Variants in KNL1 observed in about 807,000 individuals in gnomAD.
The protein encoded by KNL1 is kinetochore scaffold 1.
In KNL1, 66 loss-of-function variants were observed where a neutral mutation model predicts 201.3. The ratio of observed to expected loss-of-function variants is 0.33; its 90% CI spans 0.27 to 0.40. The LOEUF (loss-of-function observed/expected upper bound fraction) is 0.40, where lower values mean the gene tolerates loss of function less well. KNL1 is among the 10% of genes least tolerant of loss of function. The pLI is 1.00. For synonymous variants in KNL1, 895 were observed against 899.2 expected, an observed-to-expected ratio of 1.00 and a Z score of 0.08; for missense variants, 2,815 against 2,690.5, an observed-to-expected ratio of 1.05 and a Z score of -1.02.
intron 17 of KNL1, among the ~76,000 whole-genome samples, 163 bp downstream of exon 17, chr15:40,647,237 G>A (rs531607666): frequency 7.4e-4 from 112 of 152,240 alleles, no homozygotes; most frequent in South Asian, 3.1e-3. Context: ...CACTTTGGGA[G>A]GCCAAGCCGG....
At position 40,623,837 on chromosome 15, in the gene KNL1, A is replaced by G. The variant is rs200222327; in HGVS notation, c.3573A>G (p.Ile1191Met). The G allele has an allele frequency of 1.4e-4, 225 of 1,613,466 alleles. No individual in the cohort carries two copies. Among genetic ancestry groups the G allele is most frequent in the Middle Eastern group, 8.3e-4 (5 of 6,058 alleles). The change falls in exon 10 of 26, where the codon ATA becomes ATG. Residue 1191 changes from isoleucine to methionine, a missense_variant. By Grantham distance (10) the Ile-to-Met change is conservative (BLOSUM62 1). Coordinates refer to ENST00000399668, the MANE Select transcript of KNL1 (RefSeq NM_144508.5). Reference protein sequence around the residue: ...KILEENPKFGIGKGKNLGVSF... With the variant: ...KILEENPKFGMGKGKNLGVSF... ...TTGAAGAAAACCCTAAATTTGGAATAGGAAAAGGAAAAAACTTGGGTGTTT... is the reference window on the plus strand; with the variant it reads ...TTGAAGAAAACCCTAAATTTGGAATGGGAAAAGGAAAAAACTTGGGTGTTT...
chr15:40,640,075 T>C (rs1893177900), intron 13 of KNL1, among the ~76,000 whole-genome samples: 1 of 151,228 alleles, frequency 6.6e-6, no homozygotes. Context: ...TCTTTTCTTT[T>C]CTTTTTTTTC....
intron 14 of KNL1, among the ~76,000 whole-genome samples, chr15:40,642,680 T>G (rs1595939865): frequency 6.6e-6 from 1 of 152,152 alleles, no homozygotes; most frequent in South Asian, 2.1e-4. Flanking sequence ...CAGGCTGGAG[T>G]GCAGTAGCGC....
chr15:40,643,106 A>G (rs1893280101), intron 14 of KNL1: 1 of 152,218 alleles, frequency 6.6e-6, no homozygotes, highest in Non-Finnish European at 1.5e-5. Flanking sequence ...TATTGAGACT[A>G]TCATAACTTT....
intron 9 of KNL1, among the ~76,000 whole-genome samples, chr15:40,619,320 G>A (rs1042660015): frequency 4.0e-5 from 6 of 151,082 alleles, no homozygotes; most frequent in African/African-American, 1.5e-4. Flanking sequence ...GTTAATCTGT[G>A]TCCTCACTGA....
Position 40,620,738 on chromosome 15 carries a change from T to A in KNL1, c.474T>A (p.Thr158=). The change falls in exon 10 of 26, where the codon ACT becomes ACA. Residue 158 remains threonine (T), a synonymous_variant. Transcript: ENST00000399668. The stretch of plus-strand genomic sequence containing the variant: ...AGATGGACCTGACATCAAGTCACAC[T>A]GTAATGATTACCAAAGGCCTTTTAG... ...ENQMDLTSSH[T]VMITKGLLDN... 2 of 1,612,732 alleles carry A rather than the reference T, an allele frequency of 1.2e-6. No homozygotes were observed. The highest frequency in any genetic ancestry group is 1.7e-6 in the Non-Finnish European group (2 of 1,179,348).
intron 13 of KNL1, among the ~76,000 whole-genome samples, chr15:40,631,948 G>T (rs1892921939): frequency 6.6e-6 from 1 of 150,922 alleles, no homozygotes; most frequent in African/African-American, 2.4e-5. Flanking sequence ...GTTCAAGGCT[G>T]CAGTGAGCTA....
rs767793124 is a variant in KNL1, at chr15:40,624,923, T to G, written c.4659T>G (p.Cys1553Trp). 2 of 1,613,458 alleles carry G rather than the reference T, an allele frequency of 1.2e-6. No individual in the cohort carries two copies. The highest frequency in any genetic ancestry group is 1.7e-6 in the Non-Finnish European group (2 of 1,179,892). ...PDPVITSNVP[C>W]FHSIKPNLNN... ...CTGTAATTACATCTAATGTTCCATGTTTTCATAGTATCAAACCAAATCTGA... is the reference window on the plus strand; with the variant it reads ...CTGTAATTACATCTAATGTTCCATGGTTTCATAGTATCAAACCAAATCTGA... Residue 1553 changes from cysteine (C) to tryptophan (W), a missense_variant, in exon 10 of 26, where the codon TGT (cysteine) becomes TGG (tryptophan). Cys to Trp is a radical substitution (Grantham distance 215, BLOSUM62 -2). Transcript: ENST00000399668.
chr15:40,636,213 C>T (rs959920736), intron 13 of KNL1, among the ~76,000 whole-genome samples: 5 of 152,194 alleles, frequency 3.3e-5, no homozygotes, highest in African/African-American at 1.2e-4. Context: ...TTGGACACTA[C>T]TTAATCATAG....
rs922193968 is a variant in KNL1 at position 40,624,219 on chromosome 15, G to A, written c.3955G>A (p.Ala1319Thr). ...CTGTACTGATAATTTGGAGGGTAGT[G>A]CCATGCTCTTATGTGATAAAGATGA... ...ISCTDNLEGS[A>T]MLLCDKDEEK... Residue 1319 changes from alanine to threonine, a missense_variant, in exon 10 of 26, where the codon GCC becomes ACC. Ala to Thr is a moderately conservative substitution (Grantham distance 58). Coordinates refer to ENST00000399668, the MANE Select transcript of KNL1 (RefSeq NM_144508.5). 2 of 1,613,882 alleles carry A rather than the reference G, an allele frequency of 1.2e-6. No individual in the cohort carries two copies. The highest frequency in any genetic ancestry group is 1.3e-5 in the African/African-American group (1 of 75,052).
At chr15:40,658,819 A>T (rs918493932) in intron 24 of KNL1, among the ~76,000 whole-genome samples, 1 of 149,352 alleles carries the variant, frequency 6.7e-6, no homozygotes, top group Non-Finnish European at 1.5e-5. Flanking sequence ...AGTCCCAGCT[A>T]ATCAGGAGGC....
chr15:40,653,582 A>C (rs917810454), intron 21 of KNL1, among the ~76,000 whole-genome samples: 1 of 152,084 alleles, frequency 6.6e-6, no homozygotes, highest in African/African-American at 2.4e-5. Flanking sequence ...TAACATTCCA[A>C]CTGGACTTTA....
chr15:40,631,294 G>A (rs1021467996), intron 13 of KNL1, among the ~76,000 whole-genome samples: 11 of 150,548 alleles, frequency 7.3e-5, no homozygotes, highest in African/African-American at 2.4e-4. Flanking sequence ...AACATAGTTG[G>A]GTAAAAAAAA....
chr15:40,646,286 T>C (rs1445447401), intron 16 of KNL1, among the ~76,000 whole-genome samples: 1 of 152,190 alleles, frequency 6.6e-6, no homozygotes, highest in African/African-American at 2.4e-5. Context: ...GACCACTGTT[T>C]CCTATGTTTA....
At chr15:40,601,432 T>G (rs967145739) in intron 1 of KNL1, among the ~76,000 whole-genome samples, 3 of 152,206 alleles carry the variant, frequency 2.0e-5, no homozygotes, top group East Asian at 1.9e-4. Flanking sequence ...GGCCAAATTT[T>G]TATTTGAACC....
At chr15:40,658,887 T>C (rs1893819191) in intron 24 of KNL1, among the ~76,000 whole-genome samples, 1 of 143,150 alleles carries the variant, frequency 7.0e-6, no homozygotes, top group Non-Finnish European at 1.5e-5. Context: ...CCGAGATTAC[T>C]CCACTGCACT....
At chr15:40,661,993 T>C (rs1429545908) in intron 25 of KNL1, 81 bp from the exon 26 acceptor site, 1 of 735,588 alleles carries the variant, frequency 1.4e-6, no homozygotes. Flanking sequence ...GTGAGCGGAT[T>C]GCGCCACTGC....
chr15:40,607,885 T>C (rs1391773726), intron 4 of KNL1, among the ~76,000 whole-genome samples: 1 of 152,010 alleles, frequency 6.6e-6, no homozygotes, highest in East Asian at 1.9e-4. Flanking sequence ...GAAAACAGTA[T>C]GGCAATTCCT....
chr15:40,607,443 G>C (rs1286862104), intron 4 of KNL1, among the ~76,000 whole-genome samples: 1 of 152,148 alleles, frequency 6.6e-6, no homozygotes, highest in Non-Finnish European at 1.5e-5. Context: ...TCACTGCTTT[G>C]ATGCAGAGGG....
Sources: gnomAD v4.1 joint callset for allele counts (sites outside exome capture counted in the v4.1 genomes callset) on GRCh38, gnomAD v4.1.1 for gene constraint, MANE v1.5 for transcripts, NCBI Gene and HGNC (gene_info 2026-07-23, HGNC 2026-07-21) for gene names.